ST6GALNAC3: variants seen among roughly 807,000 people sequenced by gnomAD.
The protein encoded by ST6GALNAC3 is ST6 N-acetylgalactosaminide alpha-2,6-sialyltransferase 3, also known as alpha-N-acetylgalactosaminide alpha-2,6-sialyltransferase 3.
Under a neutral mutation model 32.7 loss-of-function variants are expected in ST6GALNAC3, and 25 were observed. That is an observed-to-expected ratio of 0.76 (90% CI 0.56 to 1.07). ST6GALNAC3 has a LOEUF of 1.07. ST6GALNAC3 is among the 50% of genes least tolerant of loss of function. The pLI, the probability that ST6GALNAC3 is intolerant of heterozygous loss-of-function variation, is 0.00. For synonymous variants in ST6GALNAC3, 129 were observed against 133.1 expected, an observed-to-expected ratio of 0.97 and a Z score of 0.21; for missense variants, 355 against 382.4, an observed-to-expected ratio of 0.93 and a Z score of 0.60.
intron 1 of ST6GALNAC3, among the ~76,000 whole-genome samples, chr1:76,285,236 G>A (rs1659708824): frequency 6.6e-6 from 1 of 152,172 alleles, no homozygotes; most frequent in Non-Finnish European, 1.5e-5. Flanking sequence ...GAAAGAGACA[G>A]GGGTTACCAA....
At chr1:76,625,848 G>A (rs1648934869) in intron 3 of ST6GALNAC3, among the ~76,000 whole-genome samples, 1 of 151,822 alleles carries the variant, frequency 6.6e-6, no homozygotes, top group South Asian at 2.1e-4. Flanking sequence ...TCTAGTTTCT[G>A]GGATATTTTC....
intron 3 of ST6GALNAC3, among the ~76,000 whole-genome samples, chr1:76,484,314 G>A (rs1659949157): frequency 6.6e-6 from 1 of 152,200 alleles, no homozygotes; most frequent in South Asian, 2.1e-4. Flanking sequence ...ACCTTGGGCA[G>A]TATGGCCATT....
intron 2 of ST6GALNAC3, among the ~76,000 whole-genome samples, chr1:76,380,138 G>A (rs1220802438): frequency 6.6e-6 from 1 of 152,152 alleles, no homozygotes; most frequent in Non-Finnish European, 1.5e-5. Context: ...CTCTTAGAAA[G>A]TATTCTTAAA....
chr1:76,132,256 T>C (rs1054333120), intron 1 of ST6GALNAC3, among the ~76,000 whole-genome samples: 3 of 152,200 alleles, frequency 2.0e-5, no homozygotes, highest in African/African-American at 7.2e-5. Context: ...CTCCTCTTTA[T>C]CTGAGTCTAG....
At chr1:76,353,036 C>A (rs1027074251) in intron 2 of ST6GALNAC3, among the ~76,000 whole-genome samples, 3 of 152,156 alleles carry the variant, frequency 2.0e-5, no homozygotes, top group Non-Finnish European at 4.4e-5. Context: ...CCCTCACCCT[C>A]ATCATCCATT....
At chr1:76,133,782 C>A (rs564881950) in intron 1 of ST6GALNAC3, among the ~76,000 whole-genome samples, 2 of 152,162 alleles carry the variant, frequency 1.3e-5, no homozygotes, top group African/African-American at 4.8e-5. Context: ...GGAGGAGGAT[C>A]CCACAGACTT....
intron 3 of ST6GALNAC3, among the ~76,000 whole-genome samples, chr1:76,475,289 C>T (rs962544810): frequency 6.6e-6 from 1 of 152,150 alleles, no homozygotes; most frequent in African/African-American, 2.4e-5. Context: ...GTCCTTGTCC[C>T]ATCACTTACT....
chr1:76,374,840 C>A (rs1354870845), intron 2 of ST6GALNAC3, among the ~76,000 whole-genome samples: 1 of 152,032 alleles, frequency 6.6e-6, no homozygotes, highest in Non-Finnish European at 1.5e-5. Context: ...TGAGCTAATA[C>A]ACCATTGCAA....
chr1:76,278,078 G>A (rs970481674), intron 1 of ST6GALNAC3, among the ~76,000 whole-genome samples: 38 of 151,426 alleles, frequency 2.5e-4, no homozygotes, highest in Admixed American at 5.3e-4. Context: ...TTTTGGGGAA[G>A]AGTTGGTATC....
At chr1:76,252,947 A>T (rs962814796) in intron 1 of ST6GALNAC3, among the ~76,000 whole-genome samples, 1 of 152,110 alleles carries the variant, frequency 6.6e-6, no homozygotes, top group Non-Finnish European at 1.5e-5. Context: ...AGTCAATCAG[A>T]TTCTCTTTTT....
chr1:76,563,375 G>A (rs1165407755), intron 3 of ST6GALNAC3, among the ~76,000 whole-genome samples: 1 of 152,238 alleles, frequency 6.6e-6, no homozygotes, highest in Non-Finnish European at 1.5e-5. Context: ...GGTGCCTGAT[G>A]TGTCTTCTAT....
At chr1:76,274,608 C>T (rs1659032683) in intron 1 of ST6GALNAC3, among the ~76,000 whole-genome samples, 1 of 152,180 alleles carries the variant, frequency 6.6e-6, no homozygotes, top group Non-Finnish European at 1.5e-5. Context: ...ACAAGAATGT[C>T]AGCAATTCTA....
chr1:76,362,636 A>C (rs1650055725), intron 2 of ST6GALNAC3, among the ~76,000 whole-genome samples: 1 of 152,232 alleles, frequency 6.6e-6, no homozygotes, highest in Admixed American at 6.5e-5. Flanking sequence ...CCATTACAAA[A>C]GGGATAAATT....
intron 1 of ST6GALNAC3, among the ~76,000 whole-genome samples, chr1:76,190,087 C>T (rs978381166): frequency 3.3e-5 from 5 of 151,890 alleles, no homozygotes; most frequent in Admixed American, 6.6e-5. Context: ...CATTATGTCT[C>T]GTTGGTATTT....
chr1:76,485,702 G>GT (rs1404982426), intron 3 of ST6GALNAC3, among the ~76,000 whole-genome samples: 3 of 151,992 alleles, frequency 2.0e-5, no homozygotes, highest in Admixed American at 6.6e-5. Flanking sequence ...TTTTTGAAGG[G>GT]TTTTTTGTGT....
At chr1:76,628,515 G>T (rs919303998) in intron 4 of ST6GALNAC3, 105 bp from the exon 5 acceptor site, 19 of 1,061,844 alleles carry the variant, frequency 1.8e-5, no homozygotes, top group African/African-American at 3.2e-5. Context: ...TCATGTATGG[G>T]TTTGTGAGTA....
intron 2 of ST6GALNAC3, among the ~76,000 whole-genome samples, chr1:76,404,766 G>A (rs1350285595): frequency 6.6e-6 from 1 of 152,074 alleles, no homozygotes; most frequent in Non-Finnish European, 1.5e-5. Context: ...CATTAAAGTA[G>A]TAAATTAGTG....
At chr1:76,466,752 G>A (rs1658658009) in intron 3 of ST6GALNAC3, among the ~76,000 whole-genome samples, 1 of 152,020 alleles carries the variant, frequency 6.6e-6, no homozygotes, top group Non-Finnish European at 1.5e-5. Flanking sequence ...AATTTTAAAA[G>A]TCTGTAATGG....
At chr1:76,598,819 A>G (rs942328268) in intron 3 of ST6GALNAC3, among the ~76,000 whole-genome samples, 1 of 152,144 alleles carries the variant, frequency 6.6e-6, no homozygotes, top group Admixed American at 6.6e-5. Flanking sequence ...TGATTAGGGC[A>G]TTTCTTCAGT....
Sources: allele counts gnomAD v4.1 joint callset (sites outside exome capture counted in the v4.1 genomes callset), GRCh38; gene constraint gnomAD v4.1.1; transcripts MANE v1.5; gene names NCBI Gene and HGNC (gene_info 2026-07-23, HGNC 2026-07-21).